The following THSD7A variants were observed in gnomAD, a reference collection of about 807,000 sequenced individuals.
The protein encoded by THSD7A is thrombospondin type-1 domain-containing protein 7A.
In THSD7A, 96 loss-of-function variants were observed where a neutral mutation model predicts 231.3. The observed-to-expected ratio is 0.41, with a 90% CI of 0.35 to 0.49. The LOEUF (loss-of-function observed/expected upper bound fraction) is 0.49, where lower values mean the gene tolerates loss of function less well. THSD7A is among the 20% of genes least tolerant of loss of function. The pLI, the probability that THSD7A is intolerant of heterozygous loss-of-function variation, is 0.05. For synonymous variants in THSD7A, 940 were observed against 743.3 expected (o/e 1.26, Z -4.30); for missense variants, 2,290 against 2,070.2 (o/e 1.11, Z -2.06).
chr7:11,450,153 TATCCTGTTATGTGACACCAA>T (rs1447162318), intron 11 of THSD7A, among the ~76,000 whole-genome samples: 1 of 152,014 alleles, frequency 6.6e-6, no homozygotes, highest in Non-Finnish European at 1.5e-5. Context: ...CTCCAACCAT[TATCCTGTTATGTGACACCAA>T]AAAGAAAAAC....
At chr7:11,673,728 C>A (rs1310481154) in intron 1 of THSD7A, among the ~76,000 whole-genome samples, 1 of 152,138 alleles carries the variant, frequency 6.6e-6, no homozygotes, top group Non-Finnish European at 1.5e-5. Context: ...CTGGGAAGGG[C>A]ATGGCTTGAT....
chr7:11,399,953 C>T (rs926321876), intron 23 of THSD7A, among the ~76,000 whole-genome samples: 9 of 151,952 alleles, frequency 5.9e-5, no homozygotes, highest in African/African-American at 2.2e-4. Flanking sequence ...AAATGTGGCA[C>T]ATATACACCA....
chr7:11,617,035 T>G (rs1781131264), intron 2 of THSD7A, among the ~76,000 whole-genome samples: 1 of 152,228 alleles, frequency 6.6e-6, no homozygotes, highest in Non-Finnish European at 1.5e-5. Context: ...TGATGCTATA[T>G]TTGTGCATTG....
At chr7:11,545,245 C>T (rs551442580) in intron 4 of THSD7A, among the ~76,000 whole-genome samples, 29 of 151,962 alleles carry the variant, frequency 1.9e-4, no homozygotes, top group Non-Finnish European at 3.2e-4. Flanking sequence ...TCCATTTTTT[C>T]CTTCAATTGA....
chr7:11,593,108 TA>T (rs35012061), intron 3 of THSD7A, 145 bp downstream of exon 3: 11 of 1,109,840 alleles, frequency 9.9e-6, no homozygotes, highest in South Asian at 5.2e-5. Context: ...TTTTATTCTG[TA>T]AAAAAAGTTT....
intron 1 of THSD7A, among the ~76,000 whole-genome samples, chr7:11,712,483 A>AAAG (rs773853882): frequency 4.6e-5 from 7 of 151,044 alleles, no homozygotes; most frequent in Admixed American, 2.7e-4. Context: ...TACCTCTGGA[A>AAAG]AAGGTCGACA....
chr7:11,612,000 C>G (rs946780200), intron 2 of THSD7A, among the ~76,000 whole-genome samples: 45 of 152,110 alleles, frequency 3.0e-4, no homozygotes, highest in African/African-American at 1.1e-3. Context: ...CTAATTGCTG[C>G]CATATGGAGC....
chr7:11,509,825 A>AAAAAAAAATAAAATAAT (rs1187840368), intron 6 of THSD7A, among the ~76,000 whole-genome samples: 1 of 146,040 alleles, frequency 6.8e-6, no homozygotes, highest in African/African-American at 2.5e-5. Context: ...CCGTCTCAAA[A>AAAAAAAAATAAAATAAT]AAAAAAAAAA....
intron 1 of THSD7A, among the ~76,000 whole-genome samples, chr7:11,783,064 G>A (rs1783683424): frequency 6.6e-6 from 1 of 152,084 alleles, no homozygotes; most frequent in Non-Finnish European, 1.5e-5. Flanking sequence ...AGACACAGAA[G>A]GAGAGGCATA....
chr7:11,579,293 T>C (rs1791054139), intron 4 of THSD7A, among the ~76,000 whole-genome samples: 1 of 152,184 alleles, frequency 6.6e-6, no homozygotes, highest in Non-Finnish European at 1.5e-5. Context: ...TATTGAGCAA[T>C]CATCAGCAAG....
intron 1 of THSD7A, among the ~76,000 whole-genome samples, chr7:11,796,717 A>C (rs1334719776): frequency 1.3e-5 from 2 of 152,082 alleles, no homozygotes; most frequent in Admixed American, 6.6e-5. Flanking sequence ...TCAAAATAAC[A>C]ACTATTAATT....
chr7:11,832,110 A>C lies in THSD7A; in HGVS notation c.-164T>G. 3 of 418,910 alleles carry C rather than the reference A, an allele frequency of 7.2e-6. No homozygotes were observed. Among genetic ancestry groups the C allele is most frequent in the East Asian group, 4.6e-5 (1 of 21,668 alleles). The allele number at this position is 418,910 out of a possible 1,614,324, so 25.9% of individuals were successfully genotyped here. The stretch of plus-strand genomic sequence containing the variant: ...AGAGCGCGTCTAACACCAGGGAACA[A>C]TAGCGTCCGCGGTGGTGGCCGTGGC... On this transcript the variant is annotated 5_prime_UTR_variant, in exon 1 of 28. Transcript: ENST00000423059.
intron 1 of THSD7A, among the ~76,000 whole-genome samples, chr7:11,641,335 A>C (rs1256290172): frequency 6.6e-6 from 1 of 152,130 alleles, no homozygotes; most frequent in Non-Finnish European, 1.5e-5. Flanking sequence ...AATTTTGTTT[A>C]GAAAGGAGAG....
intron 1 of THSD7A, among the ~76,000 whole-genome samples, chr7:11,719,667 G>A (rs1333263995): frequency 5.9e-5 from 9 of 151,348 alleles, no homozygotes; most frequent in African/African-American, 1.9e-4. Context: ...TTAGAACTGT[G>A]GCCACAAACC....
intron 1 of THSD7A, among the ~76,000 whole-genome samples, chr7:11,793,041 A>C (rs1314041864): frequency 6.6e-6 from 1 of 151,972 alleles, no homozygotes; most frequent in African/African-American, 2.4e-5. Flanking sequence ...ATGATGGGAA[A>C]CAGAAAAAGT....
chr7:11,543,227 CCAAGA>C (rs1417915025), intron 4 of THSD7A, 110 bp from the exon 5 acceptor site: 1 of 896,508 alleles, frequency 1.1e-6, no homozygotes, highest in Non-Finnish European at 1.7e-6. Flanking sequence ...AGAAGTGCTA[CCAAGA>C]CATTATTCCA....
intron 1 of THSD7A, among the ~76,000 whole-genome samples, chr7:11,824,554 G>A (rs1583320554): frequency 2.6e-5 from 4 of 152,204 alleles, no homozygotes; most frequent in Admixed American, 2.6e-4. Context: ...TTACAAACCA[G>A]ATAGTTGTGT....
intron 1 of THSD7A, among the ~76,000 whole-genome samples, chr7:11,800,556 GA>G (rs564834918): frequency 6.6e-6 from 1 of 151,298 alleles, no homozygotes; most frequent in Non-Finnish European, 1.5e-5. Context: ...TCTCAAAAAA[GA>G]AAAAAAATAT....
intron 6 of THSD7A, among the ~76,000 whole-genome samples, chr7:11,492,940 T>C (rs902587374): frequency 2.0e-5 from 3 of 151,996 alleles, no homozygotes; most frequent in Non-Finnish European, 2.9e-5. Flanking sequence ...AAAAGAATCC[T>C]AGGGAGAATG....
Sources: allele counts gnomAD v4.1 joint callset (sites outside exome capture counted in the v4.1 genomes callset), GRCh38; gene constraint gnomAD v4.1.1; transcripts MANE v1.5; gene names NCBI Gene and HGNC (gene_info 2026-07-23, HGNC 2026-07-21).